EIF3E: variants seen among roughly 807,000 people sequenced by gnomAD.
The protein encoded by EIF3E is eIF-3 p48.
Under a neutral mutation model 59.3 loss-of-function variants are expected in EIF3E, and 25 were observed. That is an observed-to-expected ratio of 0.42 (90% confidence interval 0.31 to 0.59). The LOEUF (loss-of-function observed/expected upper bound fraction) is 0.59, where lower values mean the gene tolerates loss of function less well. Ranked by LOEUF, EIF3E falls within the 20% of genes least tolerant of loss-of-function variation. EIF3E has a pLI of 0.15. For synonymous variants in EIF3E, 176 were observed against 170.2 expected (o/e 1.03, Z -0.26); for missense variants, 317 against 534.3 (o/e 0.59, Z 4.01).
intron 10 of EIF3E, among the ~76,000 whole-genome samples, chr8:108,210,046 T>A (rs1472887815): frequency 2.6e-5 from 4 of 152,058 alleles, no homozygotes; most frequent in African/African-American, 9.6e-5. Flanking sequence ...GTTTAACTTT[T>A]TTTTTTTTTT....
intron 1 of EIF3E, chr8:108,242,269 T>C (rs1815853393): frequency 7.7e-7 from 1 of 1,291,900 alleles, no homozygotes; most frequent in African/African-American, 1.5e-5. Context: ...GTAAAGCACA[T>C]ATAGCTGTCA....
chr8:108,241,952 T>C (rs1270435140), intron 1 of EIF3E, 39 bp from the exon 2 acceptor site: 1 of 1,390,490 alleles, frequency 7.2e-7, no homozygotes. Context: ...TATATTTAAG[T>C]TCCCCAAATA....
intron 1 of EIF3E, among the ~76,000 whole-genome samples, 181 bp downstream of exon 1, chr8:108,248,432 T>G (rs1232221974): frequency 6.6e-6 from 1 of 152,144 alleles, no homozygotes; most frequent in Non-Finnish European, 1.5e-5. Context: ...CACTGCCGAA[T>G]AGTGCGGTGC....
chr8:108,206,822 T>C (rs1016253149), intron 10 of EIF3E, among the ~76,000 whole-genome samples: 13 of 152,196 alleles, frequency 8.5e-5, no homozygotes, highest in South Asian at 2.1e-4. Context: ...AAAAATTCCA[T>C]CTTATGTAAT....
chr8:108,215,129 T>C (rs1694714090), intron 9 of EIF3E, among the ~76,000 whole-genome samples: 1 of 152,162 alleles, frequency 6.6e-6, no homozygotes, highest in African/African-American at 2.4e-5. Context: ...ATTCCACAGA[T>C]GGTGTAATTA....
intron 2 of EIF3E, 166 bp from the exon 3 acceptor site, chr8:108,240,241 C>A: frequency 1.5e-6 from 1 of 648,392 alleles, no homozygotes; most frequent in Non-Finnish European, 2.7e-6. Context: ...TGTCCCCGAT[C>A]CCTAATTTCT....
chr8:108,220,613 CATT>C (rs1297413071), intron 7 of EIF3E, among the ~76,000 whole-genome samples: 54 of 152,174 alleles, frequency 3.5e-4, no homozygotes, highest in Admixed American at 3.5e-3. Context: ...AACTAAGAAA[CATT>C]ATCAAGTCTG....
chr8:108,223,361 T>C (rs777152424), intron 7 of EIF3E, among the ~76,000 whole-genome samples: 14 of 152,154 alleles, frequency 9.2e-5, no homozygotes, highest in Non-Finnish European at 1.3e-4. Flanking sequence ...GATGAGGACC[T>C]TGGAGGTCAT....
chr8:108,209,527 C>CT (rs1029990896), intron 10 of EIF3E, among the ~76,000 whole-genome samples: 56 of 152,036 alleles, frequency 3.7e-4, no homozygotes, highest in African/African-American at 1.3e-3. Flanking sequence ...TATTTGTCCA[C>CT]TTATTTAATA....
intron 10 of EIF3E, among the ~76,000 whole-genome samples, chr8:108,209,168 G>T (rs963761830): frequency 5.3e-5 from 8 of 151,956 alleles, no homozygotes; most frequent in Non-Finnish European, 1.2e-4. Context: ...TCCTTTGGTG[G>T]GAGAAAAAGA....
chr8:108,217,580 G>A lies in EIF3E; in HGVS notation c.723-120C>T, dbSNP rs185119947. ...TAAGACTGCAAACACTTAAGAATGA[G>A]TATTATAAGAAAATCTCCTCCAAGG... On this transcript the variant is annotated intron_variant, in intron 7 of 12. Transcript: ENST00000220849. 1.5e-5 allele frequency: 11 copies of A among 738,222 alleles called. 1 individual carries two copies. The Admixed American group carries it at 1.8e-4, about 12-fold the overall frequency. The allele number at this position is 738,222 out of a possible 1,614,324, so 45.7% of individuals were successfully genotyped here.
intron 10 of EIF3E, 97 bp downstream of exon 10, chr8:108,214,510 C>T: frequency 1.2e-6 from 1 of 868,328 alleles, no homozygotes. Flanking sequence ...AATAAAAATC[C>T]AATTAACTGG....
chr8:108,206,645 CAT>C (rs1554598208), intron 10 of EIF3E, among the ~76,000 whole-genome samples: 2 of 151,616 alleles, frequency 1.3e-5, no homozygotes, highest in East Asian at 3.9e-4. Context: ...CACACACACA[CAT>C]ACACACGCAC....
chr8:108,222,852 A>G (rs62535915), intron 7 of EIF3E, among the ~76,000 whole-genome samples: 1 of 146,956 alleles, frequency 6.8e-6, no homozygotes, highest in East Asian at 2.0e-4. Flanking sequence ...TTTTTTTTAA[A>G]TAACAGACTC....
At chr8:108,206,453 A>C (rs1815102267) in intron 10 of EIF3E, among the ~76,000 whole-genome samples, 1 of 152,236 alleles carries the variant, frequency 6.6e-6, no homozygotes. Context: ...ATTTAATCTT[A>C]GATTTTTAAG....
At position 108,201,551 on chromosome 8, in the gene EIF3E, A is replaced by C. The variant is rs1447908382; in HGVS notation, c.*334T>G. The C allele has an allele frequency of 6.0e-6, 1 of 167,810 alleles. No homozygotes were observed. Among genetic ancestry groups the C allele is most frequent in the Non-Finnish European group, 1.3e-5 (1 of 78,524 alleles). The allele number at this position is 167,810 out of a possible 1,614,324, so 10.4% of individuals were successfully genotyped here. On this transcript the variant is annotated 3_prime_UTR_variant, in exon 13 of 13. Transcript: ENST00000220849. Reference sequence around the variant, plus strand: ...ATGGTAGGGAGCTATTTGTACACACATTGTACCAATGTCAACATCCTGGTT... The same window carrying C: ...ATGGTAGGGAGCTATTTGTACACACCTTGTACCAATGTCAACATCCTGGTT...
At chr8:108,223,288 A>T (rs1454544607) in intron 7 of EIF3E, among the ~76,000 whole-genome samples, 1 of 152,210 alleles carries the variant, frequency 6.6e-6, no homozygotes, top group African/African-American at 2.4e-5. Context: ...AGTGCATTTC[A>T]TGAAGGACAG....
chr8:108,242,670 C>A (rs906450601), intron 1 of EIF3E: 71 of 1,129,024 alleles, frequency 6.3e-5, no homozygotes, highest in African/African-American at 8.1e-5. Flanking sequence ...CAAAATCGAA[C>A]CTTCCAAATT....
intron 3 of EIF3E, among the ~76,000 whole-genome samples, chr8:108,238,831 C>G (rs947244642): frequency 6.6e-6 from 1 of 152,112 alleles, no homozygotes; most frequent in African/African-American, 2.4e-5. Context: ...CCAGCAATTC[C>G]TCAAGTGAAT....
Sources: gnomAD v4.1 joint callset for allele counts (sites outside exome capture counted in the v4.1 genomes callset) on GRCh38, gnomAD v4.1.1 for gene constraint, MANE v1.5 for transcripts, NCBI Gene and HGNC (gene_info 2026-07-23, HGNC 2026-07-21) for gene names.